The following VPS13B variants were observed in gnomAD, a reference collection of about 807,000 sequenced individuals.
The protein encoded by VPS13B is vacuolar protein sorting 13 homolog B.
In VPS13B, 285 loss-of-function variants were observed where a neutral mutation model predicts 426.4. That is an observed-to-expected ratio of 0.67 (90% CI 0.61 to 0.74). The LOEUF is 0.74. Ranked by LOEUF, VPS13B falls within the 30% of genes least tolerant of loss-of-function variation. The pLI, the probability that VPS13B is intolerant of heterozygous loss-of-function variation, is 0.00. For missense variants in VPS13B, 4,537 were observed against 4,782.6 expected (o/e 0.95, Z 1.51); for synonymous variants, 1,676 against 1,676.4 (o/e 1.00, Z 0.01).
At chr8:99,662,857 G>A (rs1228804008) in intron 35 of VPS13B, among the ~76,000 whole-genome samples, 1 of 152,150 alleles carries the variant, frequency 6.6e-6, no homozygotes, top group Non-Finnish European at 1.5e-5. Flanking sequence ...CACCAGCCTA[G>A]CCAACATGGT....
At chr8:99,473,992 C>A (rs1277756257) in intron 24 of VPS13B, among the ~76,000 whole-genome samples, 1 of 151,978 alleles carries the variant, frequency 6.6e-6, no homozygotes, top group African/African-American at 2.4e-5. Context: ...AAACTTAACA[C>A]CTGAAAGAAG....
At chr8:99,687,271 C>T (rs1304391241) in intron 35 of VPS13B, among the ~76,000 whole-genome samples, 1 of 151,970 alleles carries the variant, frequency 6.6e-6, no homozygotes, top group African/African-American at 2.4e-5. Context: ...CCTCTCCTCT[C>T]CCAGAGCTGC....
At chr8:99,353,969 T>A (rs1447013319) in intron 19 of VPS13B, among the ~76,000 whole-genome samples, 2 of 152,152 alleles carry the variant, frequency 1.3e-5, no homozygotes, top group Non-Finnish European at 2.9e-5. Flanking sequence ...TTAAATGTGG[T>A]TGAATTGATT....
chr8:99,464,535 C>T (rs560222326), intron 23 of VPS13B, among the ~76,000 whole-genome samples: 2 of 152,148 alleles, frequency 1.3e-5, no homozygotes, highest in Non-Finnish European at 2.9e-5. Flanking sequence ...TTGACAAAAA[C>T]GTTTTTTATA....
At chr8:99,539,318 CATT>C (rs1823427173) in intron 30 of VPS13B, among the ~76,000 whole-genome samples, 1 of 152,070 alleles carries the variant, frequency 6.6e-6, no homozygotes, top group Admixed American at 6.5e-5. Flanking sequence ...AATTCAAAAA[CATT>C]AATATTTAAT....
intron 30 of VPS13B, among the ~76,000 whole-genome samples, chr8:99,542,643 A>G (rs994598720): frequency 2.6e-5 from 4 of 152,156 alleles, no homozygotes; most frequent in African/African-American, 9.7e-5. Context: ...GCTTTATTAC[A>G]TAGGTGGATG....
chr8:99,446,921 G>A (rs1406283866), intron 23 of VPS13B, among the ~76,000 whole-genome samples: 3 of 152,040 alleles, frequency 2.0e-5, no homozygotes, highest in Non-Finnish European at 4.4e-5. Flanking sequence ...TTATTGAATA[G>A]CACTTTTATT....
intron 35 of VPS13B, among the ~76,000 whole-genome samples, chr8:99,695,415 G>A (rs1831921614): frequency 6.6e-6 from 1 of 151,178 alleles, no homozygotes; most frequent in South Asian, 2.1e-4. Context: ...GGATGAAACT[G>A]GAAAACATCA....
chr8:99,541,522 C>T (rs760254603), intron 30 of VPS13B, among the ~76,000 whole-genome samples: 20 of 152,214 alleles, frequency 1.3e-4, no homozygotes, highest in Middle Eastern at 3.4e-3. Context: ...GGACAGGCCC[C>T]GGTGTGTGAT....
At chr8:99,109,896 A>T (rs1336171926) in intron 5 of VPS13B, among the ~76,000 whole-genome samples, 1 of 152,140 alleles carries the variant, frequency 6.6e-6, no homozygotes, top group Admixed American at 6.6e-5. Context: ...AATAGCAAAT[A>T]CTCAGAAAAT....
At position 99,391,714 on chromosome 8, in the gene VPS13B, A is replaced by G; in HGVS notation, c.3082+10A>G. 1 of 1,613,688 alleles carries G rather than the reference A, an allele frequency of 6.2e-7. No individual in the cohort carries two copies. Among genetic ancestry groups the G allele is most frequent in the Non-Finnish European group, 8.5e-7 (1 of 1,179,780 alleles). On this transcript the variant is annotated intron_variant, in intron 21 of 61. Coordinates refer to ENST00000357162, the MANE Select transcript of VPS13B (RefSeq NM_152564.5). ...ACAAAAACGGTAACAGGTATGTGTC[A>G]AGTACTGTAAAGGGACTATGATTGT...
intron 31 of VPS13B, 91 bp downstream of exon 31, chr8:99,556,744 A>G: frequency 7.2e-7 from 1 of 1,387,790 alleles, no homozygotes; most frequent in Non-Finnish European, 1.0e-6. Context: ...CAACCAACCT[A>G]AGTATTTTGG....
At chr8:99,680,787 G>A (rs1831125410) in intron 35 of VPS13B, among the ~76,000 whole-genome samples, 1 of 152,076 alleles carries the variant, frequency 6.6e-6, no homozygotes. Context: ...AAAATTTATA[G>A]TAACAGTCTG....
chr8:99,143,316 A>C, intron 13 of VPS13B, 151 bp downstream of exon 13: 1 of 963,024 alleles, frequency 1.0e-6, no homozygotes, highest in Non-Finnish European at 1.6e-6. Context: ...TTTAAAGAAT[A>C]AACTTGTGTG....
chr8:99,073,219 T>C (rs1437716470), intron 3 of VPS13B, among the ~76,000 whole-genome samples: 3 of 152,176 alleles, frequency 2.0e-5, no homozygotes, highest in Non-Finnish European at 2.9e-5. Context: ...CAGAGTCTTT[T>C]GTAGTTCCAG....
intron 50 of VPS13B, among the ~76,000 whole-genome samples, chr8:99,821,802 T>C (rs545395952): frequency 2.6e-4 from 39 of 152,268 alleles, no homozygotes; most frequent in Non-Finnish European, 2.4e-4. Context: ...GGCCTCCTTC[T>C]TTAGAGCAGA....
Position 99,854,154 on chromosome 8 carries a change from C to T in VPS13B, c.10765C>T (p.Leu3589Phe), listed in dbSNP as rs551114360. The change falls in exon 56 of 62, where the codon CTC becomes TTC. Residue 3589 changes from leucine (L) to phenylalanine (F), a missense_variant. This residue lies in a region of VPS13B where 4,311 missense variants were observed against 4,474.3 expected (regional missense o/e 0.96). Coordinates refer to ENST00000357162, the MANE Select transcript of VPS13B (RefSeq NM_152564.5). ...KLYIASDHTP[L>F]SFSVFERGPI... ...GTACATAGCCTCAGACCACACTCCTCTCTCCTTCTCGGTGTTTGAAAGAGG... is the reference window on the plus strand; with the variant it reads ...GTACATAGCCTCAGACCACACTCCTTTCTCCTTCTCGGTGTTTGAAAGAGG... The T allele has an allele frequency of 1.2e-6, 2 of 1,613,898 alleles. No homozygotes were observed. The highest frequency in any genetic ancestry group is 1.7e-6 in the Non-Finnish European group (2 of 1,180,020).
chr8:99,625,161 C>T (rs1378176965), intron 33 of VPS13B, among the ~76,000 whole-genome samples: 1 of 152,044 alleles, frequency 6.6e-6, no homozygotes, highest in East Asian at 1.9e-4. Flanking sequence ...TGCAGGAGGT[C>T]CACAGTTTTA....
chr8:99,168,087 G>C lies in VPS13B; in HGVS notation c.2209-1952G>C, dbSNP rs188856778. ...GAGTTTAAAAATTTATTTTTAAATA[G>C]TTCTTTTTGATTTGGTGGATAATAG... On this transcript the variant is annotated intron_variant, in intron 15 of 61. Transcript: ENST00000357162. Among the ~76,000 whole-genome samples the C allele has an allele frequency of 3.8e-3, 573 of 152,136 alleles. 2 individuals carry two copies. The highest frequency in any genetic ancestry group is 5.1e-3 in the Non-Finnish European group (346 of 67,936).
Sources: allele counts gnomAD v4.1 joint callset (sites outside exome capture counted in the v4.1 genomes callset), GRCh38; gene constraint gnomAD v4.1.1; regional missense constraint gnomAD v4.1.1; transcripts MANE v1.5; gene names NCBI Gene and HGNC (gene_info 2026-07-23, HGNC 2026-07-21).